The following TCF7L1 variants were observed in gnomAD, a reference collection of about 807,000 sequenced individuals.
TCF7L1 encodes the protein transcription factor 7-like 1.
Under a neutral mutation model 63.7 loss-of-function variants are expected in TCF7L1, and 18 were observed. The ratio of observed to expected loss-of-function variants is 0.28; its 90% CI spans 0.20 to 0.42. The LOEUF (loss-of-function observed/expected upper bound fraction) is 0.42, where lower values mean the gene tolerates loss of function less well. Among genes scored for constraint, TCF7L1 ranks in the 10% least tolerant of loss-of-function variants. The pLI, the probability that TCF7L1 is intolerant of heterozygous loss-of-function variation, is 1.00. For missense variants in TCF7L1, 654 were observed against 779.3 expected (o/e 0.84, Z 1.91); for synonymous variants, 355 against 340.9 (o/e 1.04, Z -0.46).
chr2:85,179,076 C>T (rs1678742054), intron 3 of TCF7L1, among the ~76,000 whole-genome samples: 1 of 152,176 alleles, frequency 6.6e-6, no homozygotes, highest in Non-Finnish European at 1.5e-5. Context: ...AGCTGCTTTC[C>T]CTCCAGGGCC....
intron 3 of TCF7L1, among the ~76,000 whole-genome samples, chr2:85,249,737 C>T (rs1012509125): frequency 6.6e-6 from 1 of 152,170 alleles, no homozygotes; most frequent in Non-Finnish European, 1.5e-5. Context: ...CACACTGGGC[C>T]TCCATCCAGG....
At position 85,133,689 on chromosome 2, in the gene TCF7L1, C is replaced by G. The variant is rs1291184134; in HGVS notation, c.5C>G (p.Pro2Arg). 4.0e-6 allele frequency: 4 copies of G among 993,292 alleles called. No homozygotes were observed. The South Asian group carries it at 1.4e-4, about 34-fold the overall frequency. 61.5% of individuals were successfully genotyped at this position (993,292 alleles called of 1,614,324 possible). A position where few individuals can be genotyped will look rare whatever the true frequency, so the allele number is the denominator to read the frequency against. ...GCCCCGGCCCGCGGCCCCACCATGC[C>G]CCAGCTCGGCGGCGGGGGCGGCGGC... is the stretch of plus-strand genomic sequence containing the variant. The part of the protein sequence containing the change: M[P>R]QLGGGGGGGG... Residue 2 changes from proline (P) to arginine (R), a missense_variant, in exon 1 of 12, where the codon CCC becomes CGC. This residue lies in a region of TCF7L1 where 404 missense variants were observed against 454.8 expected (regional missense o/e 0.89). Transcript: ENST00000282111. The surrounding 1 kb of genome is among the most constrained non-coding windows in gnomAD (Gnocchi z 4.4).
intron 3 of TCF7L1, among the ~76,000 whole-genome samples, chr2:85,239,944 T>TAAAAAA (rs11337671): frequency 2.9e-5 from 3 of 104,388 alleles, no homozygotes; most frequent in African/African-American, 7.6e-5. Context: ...AGACTCCATC[T>TAAAAAA]AAAAAAAAAA....
intron 3 of TCF7L1, among the ~76,000 whole-genome samples, chr2:85,198,063 G>A (rs909273949): frequency 1.3e-5 from 2 of 152,206 alleles, no homozygotes; most frequent in Non-Finnish European, 2.9e-5. Context: ...GACCTTTATT[G>A]CTACAAAGTT....
At chr2:85,166,059 G>A (rs1678410354) in intron 3 of TCF7L1, among the ~76,000 whole-genome samples, 16 of 152,170 alleles carry the variant, frequency 1.1e-4, no homozygotes, top group Admixed American at 1.0e-3. Context: ...TGATCGGGAG[G>A]CAAATGGCAG....
intron 3 of TCF7L1, among the ~76,000 whole-genome samples, chr2:85,220,249 AT>A (rs1679811100): frequency 6.6e-6 from 1 of 152,024 alleles, no homozygotes; most frequent in East Asian, 1.9e-4. Flanking sequence ...ATAACACTTT[AT>A]TTCTTTAAGA....
intron 3 of TCF7L1, among the ~76,000 whole-genome samples, chr2:85,202,265 C>G (rs778771075): frequency 2.0e-5 from 3 of 152,040 alleles, no homozygotes; most frequent in Non-Finnish European, 2.9e-5. Context: ...TGCCCGGGCT[C>G]TTTTGACCTT....
intron 3 of TCF7L1, among the ~76,000 whole-genome samples, chr2:85,153,632 C>A (rs571067811): frequency 1.3e-5 from 2 of 152,270 alleles, no homozygotes; most frequent in East Asian, 3.9e-4. Flanking sequence ...TGAGCCACTG[C>A]ACCCGGCTAG....
intron 3 of TCF7L1, among the ~76,000 whole-genome samples, chr2:85,171,185 T>C (rs1024205551): frequency 6.6e-6 from 1 of 152,150 alleles, no homozygotes; most frequent in Admixed American, 6.5e-5. Context: ...TCAGCTCTCA[T>C]GAGACTTATT....
chr2:85,226,188 T>C (rs577609394), intron 3 of TCF7L1, among the ~76,000 whole-genome samples: 1 of 152,366 alleles, frequency 6.6e-6, no homozygotes, highest in African/African-American at 2.4e-5. Context: ...TAGTATTTTA[T>C]TGAGGATCTT....
At chr2:85,281,826 A>C (rs1681427811) in intron 3 of TCF7L1, among the ~76,000 whole-genome samples, 1 of 152,136 alleles carries the variant, frequency 6.6e-6, no homozygotes, top group Admixed American at 6.6e-5. Flanking sequence ...TTGAAAGCCC[A>C]GTCAGTCCCT....
At chr2:85,244,647 G>A (rs1319562765) in intron 3 of TCF7L1, among the ~76,000 whole-genome samples, 1 of 152,146 alleles carries the variant, frequency 6.6e-6, no homozygotes, top group Non-Finnish European at 1.5e-5. Flanking sequence ...TTGTATTGGA[G>A]ATACTTTTTG....
intron 3 of TCF7L1, among the ~76,000 whole-genome samples, chr2:85,261,605 A>G (rs1404961977): frequency 6.6e-6 from 1 of 152,228 alleles, no homozygotes; most frequent in Admixed American, 6.5e-5. Flanking sequence ...TCAAAGCTAA[A>G]AAGAAGCCAA....
chr2:85,222,375 A>AC (rs1235567693), intron 3 of TCF7L1, among the ~76,000 whole-genome samples: 14 of 149,960 alleles, frequency 9.3e-5, no homozygotes, highest in African/African-American at 3.4e-4. Flanking sequence ...AAAAAAAAAA[A>AC]CACTAAAGGC....
intron 3 of TCF7L1, among the ~76,000 whole-genome samples, chr2:85,242,784 C>G (rs929491426): frequency 6.6e-6 from 1 of 152,100 alleles, no homozygotes; most frequent in Non-Finnish European, 1.5e-5. Context: ...AGTTTTCTGT[C>G]TCCTTCAAGA....
At chr2:85,205,611 A>G (rs1421639545) in intron 3 of TCF7L1, among the ~76,000 whole-genome samples, 1 of 150,986 alleles carries the variant, frequency 6.6e-6, no homozygotes, top group Non-Finnish European at 1.5e-5. Flanking sequence ...GGCTCGCTGC[A>G]GCCTCTGCCT....
intron 3 of TCF7L1, among the ~76,000 whole-genome samples, chr2:85,201,937 T>TTTCA (rs1679280371): frequency 1.3e-5 from 2 of 150,516 alleles, no homozygotes; most frequent in South Asian, 4.2e-4. Flanking sequence ...TCTTTTGACT[T>TTTCA]TTTATTTATT....
At chr2:85,178,301 TG>T (rs1463070437) in intron 3 of TCF7L1, among the ~76,000 whole-genome samples, 6 of 152,280 alleles carry the variant, frequency 3.9e-5, no homozygotes, top group African/African-American at 1.4e-4. Context: ...CTTCCTTTCA[TG>T]GTGGTAAACA....
chr2:85,253,575 T>G (rs17712942), intron 3 of TCF7L1, among the ~76,000 whole-genome samples: 7,791 of 152,248 alleles, frequency 0.051, 274 homozygotes, highest in Non-Finnish European at 0.077. Flanking sequence ...TGTTTCCTGG[T>G]CCACCAGAGC....
Sources: gnomAD v4.1 joint callset for allele counts (sites outside exome capture counted in the v4.1 genomes callset) on GRCh38, gnomAD v4.1.1 for gene constraint, gnomAD v4.1.1 regional missense constraint, Gnocchi (gnomAD v3.1) non-coding constraint, MANE v1.5 for transcripts, NCBI Gene and HGNC (gene_info 2026-07-23, HGNC 2026-07-21) for gene names.